Variants in GSG1L observed in about 807,000 individuals in gnomAD.
The protein encoded by GSG1L is germ cell-specific gene 1-like protein.
Under a neutral mutation model 42.1 loss-of-function variants are expected in GSG1L, and 24 were observed. That is an observed-to-expected ratio of 0.57 (90% CI 0.41 to 0.80). The LOEUF is 0.80. Among genes scored for constraint, GSG1L ranks in the 30% least tolerant of loss-of-function variants. GSG1L has a pLI of 0.00. For synonymous variants in GSG1L, 215 were observed against 203.5 expected, an observed-to-expected ratio of 1.06 and a Z score of -0.48; for missense variants, 445 against 472.2, an observed-to-expected ratio of 0.94 and a Z score of 0.53.
intron 6 of GSG1L, among the ~76,000 whole-genome samples, chr16:27,795,365 G>A (rs776771488): frequency 3.9e-5 from 6 of 152,120 alleles, no homozygotes; most frequent in Non-Finnish European, 7.3e-5. Context: ...ACCGTACTTC[G>A]GTCTAACAGC....
intron 1 of GSG1L, among the ~76,000 whole-genome samples, chr16:28,024,367 G>A (rs542755132): frequency 1.3e-5 from 2 of 152,364 alleles, no homozygotes; most frequent in South Asian, 4.1e-4. Flanking sequence ...TTGTAAATTA[G>A]ATAAACTTGC....
chr16:27,984,758 CT>C (rs916677009), intron 1 of GSG1L, among the ~76,000 whole-genome samples: 1 of 151,148 alleles, frequency 6.6e-6, no homozygotes. Flanking sequence ...TTTTTCCTTT[CT>C]TTTTTTTCTT....
At chr16:28,006,690 T>A (rs1409810583) in intron 1 of GSG1L, among the ~76,000 whole-genome samples, 1 of 152,180 alleles carries the variant, frequency 6.6e-6, no homozygotes, top group East Asian at 1.9e-4. Flanking sequence ...TATGCTGTTT[T>A]AAGCCACTAA....
chr16:28,022,074 A>G (rs761184795), intron 1 of GSG1L, among the ~76,000 whole-genome samples: 10 of 152,176 alleles, frequency 6.6e-5, no homozygotes, highest in African/African-American at 2.4e-4. Context: ...ATACTATATA[A>G]TATGTTTAGG....
At chr16:27,797,821 C>CAAAAAA (rs59207468) in intron 6 of GSG1L, among the ~76,000 whole-genome samples, 3 of 77,182 alleles carry the variant, frequency 3.9e-5, no homozygotes, top group East Asian at 4.9e-4. Context: ...GACTCCATCT[C>CAAAAAA]AAAAAAAAAA....
chr16:27,917,083 G>A (rs1298238810), intron 2 of GSG1L, among the ~76,000 whole-genome samples: 1 of 152,150 alleles, frequency 6.6e-6, no homozygotes, highest in Admixed American at 6.6e-5. Flanking sequence ...CTGTAATCCA[G>A]AGGCCAGTGA....
intron 2 of GSG1L, among the ~76,000 whole-genome samples, chr16:27,906,389 A>G (rs1015316557): frequency 1.3e-5 from 2 of 152,058 alleles, no homozygotes; most frequent in Admixed American, 6.6e-5. Flanking sequence ...AAATCCCCCT[A>G]TTTCCCCAGG....
rs890570056 is a variant in GSG1L at position 28,054,825 on chromosome 16, TA to T, written c.349+8250del. Among the ~76,000 whole-genome samples, 901 of 150,586 alleles carry T rather than the reference TA, an allele frequency of 6.0e-3. 6 individuals carry two copies. The highest frequency in any genetic ancestry group is 0.02 in the African/African-American group (843 of 41,162). On this transcript the variant is annotated intron_variant, in intron 1 of 6. Transcript: ENST00000447459. Reference sequence around the variant, plus strand: ...TTTTGGCCTGCAGATCAGATGTCTTTAAAAAAAAATGGATTTGCTGCCAAAT... The same window carrying T: ...TTTTGGCCTGCAGATCAGATGTCTTTAAAAAAAATGGATTTGCTGCCAAAT...
intron 3 of GSG1L, among the ~76,000 whole-genome samples, chr16:27,858,110 C>T (rs535026876): frequency 6.6e-6 from 1 of 152,326 alleles, no homozygotes; most frequent in East Asian, 1.9e-4. Flanking sequence ...GTTTTAAGTG[C>T]TCTGAGCTTC....
At chr16:27,994,141 C>T (rs1237156934) in intron 1 of GSG1L, among the ~76,000 whole-genome samples, 1 of 152,132 alleles carries the variant, frequency 6.6e-6, no homozygotes, top group East Asian at 1.9e-4. Flanking sequence ...CAGGTGATAC[C>T]ACAGGAGAGG....
At chr16:27,999,695 G>T (rs764628988) in intron 1 of GSG1L, among the ~76,000 whole-genome samples, 3 of 152,108 alleles carry the variant, frequency 2.0e-5, no homozygotes, top group Non-Finnish European at 2.9e-5. Context: ...ATTTGTTTGG[G>T]TAGTTAATAC....
At chr16:27,822,059 C>A (rs2083156465) in intron 5 of GSG1L, among the ~76,000 whole-genome samples, 1 of 149,524 alleles carries the variant, frequency 6.7e-6, no homozygotes, top group South Asian at 2.2e-4. Context: ...ATTTGCCCTG[C>A]ACAGAGGGAG....
At chr16:27,959,127 T>G (rs2141103562) in intron 2 of GSG1L, among the ~76,000 whole-genome samples, 1 of 151,748 alleles carries the variant, frequency 6.6e-6, no homozygotes, top group South Asian at 2.1e-4. Context: ...GCTAATGAAC[T>G]GGCTGTTGAT....
intron 3 of GSG1L, among the ~76,000 whole-genome samples, chr16:27,862,103 C>T (rs2083660730): frequency 6.6e-6 from 1 of 152,118 alleles, no homozygotes; most frequent in African/African-American, 2.4e-5. Context: ...GATCCCATGC[C>T]CTAGTGTAAT....
intron 1 of GSG1L, among the ~76,000 whole-genome samples, chr16:28,045,545 C>T (rs912759137): frequency 6.6e-6 from 1 of 151,550 alleles, no homozygotes. Flanking sequence ...CATGGTGGTG[C>T]GCTTCTGTAG....
chr16:27,924,861 C>T (rs1322753849), intron 2 of GSG1L, among the ~76,000 whole-genome samples: 1 of 152,118 alleles, frequency 6.6e-6, no homozygotes, highest in Non-Finnish European at 1.5e-5. Context: ...AATATGACTG[C>T]AACTATCCCA....
intron 1 of GSG1L, among the ~76,000 whole-genome samples, chr16:28,006,295 T>TTTTA (rs55673236): frequency 0.04 from 5,941 of 149,010 alleles, 130 homozygotes; most frequent in African/African-American, 0.061. Context: ...CTTGATTGTA[T>TTTTA]TTTATTTATT....
intron 6 of GSG1L, among the ~76,000 whole-genome samples, chr16:27,793,128 T>C (rs1309811060): frequency 1.3e-5 from 2 of 152,220 alleles, no homozygotes; most frequent in South Asian, 2.1e-4. Context: ...AAGCTCCTAC[T>C]TGCATGCCTC....
intron 1 of GSG1L, among the ~76,000 whole-genome samples, chr16:28,034,959 A>G (rs2086015331): frequency 6.6e-6 from 1 of 152,216 alleles, no homozygotes; most frequent in South Asian, 2.1e-4. Flanking sequence ...AGGAGTGCCT[A>G]GCACACAGAC....
Sources: gnomAD v4.1 joint callset for allele counts (sites outside exome capture counted in the v4.1 genomes callset) on GRCh38, gnomAD v4.1.1 for gene constraint, MANE v1.5 for transcripts, NCBI Gene and HGNC (gene_info 2026-07-23, HGNC 2026-07-21) for gene names.